The following PRKAG2 variants were observed in gnomAD, a reference collection of about 807,000 sequenced individuals.
PRKAG2 encodes the protein 5'-AMP-activated protein kinase subunit gamma-2.
PRKAG2 carries 26 observed loss-of-function variants against 69.6 expected under a neutral mutation model. The ratio of observed to expected loss-of-function variants is 0.37; its 90% CI spans 0.27 to 0.52. The LOEUF is 0.52. PRKAG2 is among the 20% of genes least tolerant of loss of function. The pLI, the probability that PRKAG2 is intolerant of heterozygous loss-of-function variation, is 0.90. For missense variants in PRKAG2, 557 were observed against 740.0 expected (o/e 0.75, Z 2.87); for synonymous variants, 293 against 285.0 (o/e 1.03, Z -0.28).
rs1586541785 is a variant in PRKAG2, at chr7:151,788,745, G to GT, written c.115-2205dup. Among the ~76,000 whole-genome samples, 1 of 152,126 alleles carries GT rather than the reference G, an allele frequency of 6.6e-6. No individual in the cohort carries two copies. Among genetic ancestry groups the GT allele is most frequent in the Admixed American group, 6.6e-5 (1 of 15,260 alleles). ...AATTCAGTGTCATGAAGCTTTTCCC[G>GT]TATGTTTTCTTCTAAGAGTTTTATA... On this transcript the variant is annotated intron_variant, in intron 1 of 15. Transcript: ENST00000287878. This position sits in a 1 kb window ranked among gnomAD's most constrained non-coding sequence, Gnocchi z 4.6.
At chr7:151,693,529 G>C (rs745898714) in intron 3 of PRKAG2, among the ~76,000 whole-genome samples, 1 of 152,244 alleles carries the variant, frequency 6.6e-6, no homozygotes, top group Non-Finnish European at 1.5e-5. Context: ...AGCTTTAAAA[G>C]TTGTGTTTTA....
chr7:151,809,070 C>T (rs755652229), intron 1 of PRKAG2, among the ~76,000 whole-genome samples: 9 of 152,176 alleles, frequency 5.9e-5, no homozygotes, highest in Non-Finnish European at 7.4e-5. Context: ...ACGCCTTGCA[C>T]GGATGAGTAT....
intron 15 of PRKAG2, chr7:151,558,117 A>G (rs5017427): frequency 0.63 from 621,998 of 984,784 alleles, 200,901 homozygotes; most frequent in East Asian, 0.71. Context: ...GACTGCCCAC[A>G]CACTGGATGC....
At chr7:151,667,465 T>C (rs1464482429) in intron 4 of PRKAG2, among the ~76,000 whole-genome samples, 5 of 152,140 alleles carry the variant, frequency 3.3e-5, no homozygotes, top group South Asian at 2.1e-4. Context: ...AGTGATAAGG[T>C]AGATTGTCTT....
chr7:151,858,079 C>T (rs1220113159), intron 1 of PRKAG2, among the ~76,000 whole-genome samples: 3 of 152,224 alleles, frequency 2.0e-5, no homozygotes, highest in Non-Finnish European at 4.4e-5. Flanking sequence ...GCTGGAGGAG[C>T]CACCTTCCCA....
intron 6 of PRKAG2, among the ~76,000 whole-genome samples, chr7:151,579,720 C>G (rs546528586): frequency 6.6e-6 from 1 of 152,078 alleles, no homozygotes; most frequent in African/African-American, 2.4e-5. Context: ...CAAACAAATC[C>G]CAGGTAAGAT....
rs996880510 is a variant in PRKAG2 at position 151,557,128 on chromosome 7, G to C, written c.*73C>G. ...ATACATTCTTAACCACTTGCAGCCA[G>C]TGTTCATGAGGCAAAACGTGACCCA... On this transcript the variant is annotated 3_prime_UTR_variant, in exon 16 of 16. Coordinates refer to ENST00000287878, the MANE Select transcript of PRKAG2 (RefSeq NM_016203.4). 2.4e-5 allele frequency: 38 copies of C among 1,608,128 alleles called. No homozygotes were observed. Among genetic ancestry groups the C allele is most frequent in the Non-Finnish European group, 3.1e-5 (37 of 1,174,720 alleles).
chr7:151,740,910 T>C (rs1435347690), intron 3 of PRKAG2, among the ~76,000 whole-genome samples: 1 of 152,228 alleles, frequency 6.6e-6, no homozygotes, highest in Non-Finnish European at 1.5e-5. Flanking sequence ...GATATACTGA[T>C]GGATTATTTC....
chr7:151,877,073 A>C lies in PRKAG2; in HGVS notation c.-453T>G. On this transcript the variant is annotated 5_prime_UTR_variant, in exon 1 of 16. Transcript: ENST00000287878. The stretch of plus-strand genomic sequence containing the variant: ...GTGCCCAAGTGGGGAATCTGGAACC[A>C]GTAAGCCCGTTCGTGCATAAATGTA... 4.2e-6 allele frequency: 1 copy of C among 236,288 alleles called. No individual in the cohort carries two copies. The highest frequency in any genetic ancestry group is 5.2e-5 in the South Asian group (1 of 19,270). The allele number at this position is 236,288 out of a possible 1,614,324, so 14.6% of individuals were successfully genotyped here. A position where few individuals can be genotyped will look rare whatever the true frequency, so the allele number is the denominator to read the frequency against.
chr7:151,603,118 G>A (rs1816542789), intron 5 of PRKAG2, among the ~76,000 whole-genome samples: 1 of 151,422 alleles, frequency 6.6e-6, no homozygotes, highest in Non-Finnish European at 1.5e-5. Flanking sequence ...CACACACGGA[G>A]GCACACGCTC....
At chr7:151,639,619 T>C (rs2151359770) in intron 4 of PRKAG2, among the ~76,000 whole-genome samples, 1 of 152,346 alleles carries the variant, frequency 6.6e-6, no homozygotes, top group East Asian at 1.9e-4. Context: ...TTCCTCTTCC[T>C]GCTCTTGGGC....
intron 1 of PRKAG2, among the ~76,000 whole-genome samples, chr7:151,833,761 A>G (rs1380448594): frequency 1.3e-5 from 2 of 152,236 alleles, no homozygotes; most frequent in East Asian, 1.9e-4. Context: ...AGGCAAGCCC[A>G]GAATCCAACT....
intron 13 of PRKAG2, among the ~76,000 whole-genome samples, 195 bp downstream of exon 13, chr7:151,565,151 T>C (rs1391787425): frequency 1.3e-5 from 2 of 152,198 alleles, no homozygotes; most frequent in African/African-American, 4.8e-5. Context: ...GCTACTAATA[T>C]ATAATTGGTT....
intron 14 of PRKAG2, among the ~76,000 whole-genome samples, chr7:151,561,478 G>A (rs191993637): frequency 4.6e-5 from 7 of 152,222 alleles, no homozygotes; most frequent in Admixed American, 3.3e-4. Context: ...ATTAAGAATC[G>A]CATCCAAGAG....
chr7:151,748,912 G>A (rs1021545992), intron 3 of PRKAG2, among the ~76,000 whole-genome samples: 4 of 148,306 alleles, frequency 2.7e-5, no homozygotes, highest in African/African-American at 1.1e-4. Flanking sequence ...TGCCCCCAGT[G>A]ACGACAGTGA....
At chr7:151,718,612 CAAAAA>C (rs35143182) in intron 3 of PRKAG2, among the ~76,000 whole-genome samples, 111 of 74,802 alleles carry the variant, frequency 1.5e-3, no homozygotes, top group African/African-American at 4.1e-3. Flanking sequence ...CCCCAGGATG[CAAAAA>C]AAAAAAAAAA....
chr7:151,865,815 T>C (rs188311214), intron 1 of PRKAG2, among the ~76,000 whole-genome samples: 122 of 152,152 alleles, frequency 8.0e-4, no homozygotes, highest in African/African-American at 2.2e-3. Context: ...GTCAGGAGAT[T>C]GAGACCATCC....
chr7:151,582,440 C>T (rs1431793699), intron 6 of PRKAG2, among the ~76,000 whole-genome samples: 5 of 152,208 alleles, frequency 3.3e-5, no homozygotes, highest in African/African-American at 1.2e-4. Context: ...GGGTAAGCCA[C>T]CTCCCCCAGC....
chr7:151,591,800 A>G (rs1813202333), intron 6 of PRKAG2, among the ~76,000 whole-genome samples: 1 of 152,160 alleles, frequency 6.6e-6, no homozygotes, highest in South Asian at 2.1e-4. Context: ...GGAAATTTAC[A>G]GAGCAGACAT....
Sources: allele counts gnomAD v4.1 joint callset (sites outside exome capture counted in the v4.1 genomes callset), GRCh38; gene constraint gnomAD v4.1.1; non-coding constraint Gnocchi (gnomAD v3.1); transcripts MANE v1.5; gene names NCBI Gene and HGNC (gene_info 2026-07-23, HGNC 2026-07-21).